Variants in RPS6KC1 observed in about 807,000 individuals in gnomAD.
RPS6KC1 encodes the protein inactive ribosomal protein S6 kinase delta-1.
In RPS6KC1, 54 loss-of-function variants were observed where a neutral mutation model predicts 103.8. The observed-to-expected ratio is 0.52, with a 90% CI of 0.42 to 0.65. The LOEUF is 0.65. RPS6KC1 is among the 30% of genes least tolerant of loss of function. The probability of loss-of-function intolerance (pLI) is 0.00; values close to 1 mark genes in which losing one functional copy is unlikely to be tolerated. For synonymous variants in RPS6KC1, 439 were observed against 438.7 expected, an observed-to-expected ratio of 1.00 and a Z score of -0.01; for missense variants, 1,151 against 1,253.8, an observed-to-expected ratio of 0.92 and a Z score of 1.24.
rs185591434 is a variant in RPS6KC1, at chr1:213,197,736, G to A, written c.1044+21244G>A. On this transcript the variant is annotated intron_variant, in intron 8 of 14. Coordinates refer to ENST00000366960, the MANE Select transcript of RPS6KC1 (RefSeq NM_012424.6). ...AGTCTTTAGGGTTTTCTAGGTATAT[G>A]ATCTGTCTGTTTTGTCTGCTATATA... 3.9e-3 allele frequency among the ~76,000 whole-genome samples: 594 copies of A among 152,184 alleles called. 4 individuals carry two copies. Among genetic ancestry groups the A allele is most frequent in the African/African-American group, 0.011 (477 of 41,534 alleles).
At chr1:213,588,297 T>TC in the RPS6KC1 span, among the ~76,000 whole-genome samples, 1 of 124,496 alleles carries the variant, frequency 8.0e-6, no homozygotes, top group East Asian at 2.1e-4. Flanking sequence ...AACCTCTGTC[T>TC]TTTTTTTTTT....
the RPS6KC1 span, among the ~76,000 whole-genome samples, chr1:213,815,868 C>G: frequency 1.3e-5 from 2 of 152,204 alleles, no homozygotes; most frequent in African/African-American, 2.4e-5. Flanking sequence ...TTTCCACATG[C>G]CTTCCTCACT....
At chr1:213,350,738 A>C in the RPS6KC1 span, among the ~76,000 whole-genome samples, 1 of 152,220 alleles carries the variant, frequency 6.6e-6, no homozygotes, top group Non-Finnish European at 1.5e-5. Context: ...ATGAAGTTAT[A>C]TGTTATCTTA....
Position 213,242,031 on chromosome 1 carries a change from A to G in RPS6KC1, c.2555A>G (p.Asp852Gly). The G allele has an allele frequency of 6.2e-7, 1 of 1,614,084 alleles. No individual in the cohort carries two copies. The highest frequency in any genetic ancestry group is 1.3e-5 in the African/African-American group (1 of 75,062). The change falls in exon 11 of 15, where the codon GAT becomes GGT. Residue 852 changes from aspartate to glycine, a missense_variant. Physicochemically the swap from Asp to Gly is moderately conservative, Grantham distance 94 (BLOSUM62 -1). Transcript: ENST00000366960. ...EVLLFTDQTDDLAKEEPTSLF... is the reference protein window; with the variant it reads ...EVLLFTDQTDGLAKEEPTSLF... ...TTGCTGTTTACAGATCAGACTGATG[A>G]TTTGGCTAAAGAGGAACCAACTTCT...
chr1:213,110,806 C>T (rs752297942), intron 4 of RPS6KC1, among the ~76,000 whole-genome samples: 1 of 152,076 alleles, frequency 6.6e-6, no homozygotes, highest in Non-Finnish European at 1.5e-5. Context: ...ATGAAGACCC[C>T]CTGTGGCTGT....
At chr1:213,323,353 G>A in the RPS6KC1 span, among the ~76,000 whole-genome samples, 1 of 152,160 alleles carries the variant, frequency 6.6e-6, no homozygotes, top group Non-Finnish European at 1.5e-5. Context: ...CTAGCACAGA[G>A]GCAGAAGCAC....
chr1:213,772,568 C>T, the RPS6KC1 span, among the ~76,000 whole-genome samples: 11 of 152,026 alleles, frequency 7.2e-5, no homozygotes, highest in Admixed American at 2.0e-4. Flanking sequence ...GCGAGGTGAC[C>T]GTGGAGGTTT....
chr1:213,589,642 CAA>C, the RPS6KC1 span, among the ~76,000 whole-genome samples: 660 of 129,056 alleles, frequency 5.1e-3, 1 homozygote, highest in Middle Eastern at 0.012. Flanking sequence ...AACTCTGTTT[CAA>C]AAAAAAAAAA....
chr1:213,127,389 A>G lies in RPS6KC1; in HGVS notation c.473-2138A>G, dbSNP rs573347562. On this transcript the variant is annotated intron_variant, in intron 5 of 14. Coordinates refer to ENST00000366960, the MANE Select transcript of RPS6KC1 (RefSeq NM_012424.6). The stretch of plus-strand genomic sequence containing the variant: ...AGTAGAAACTGTTACATTTTGTTAA[A>G]TCTTAACCCTTGTCACTTGTCTTTT... 2.0e-3 allele frequency among the ~76,000 whole-genome samples: 298 copies of G among 152,304 alleles called. 1 individual carries two copies. The highest frequency in any genetic ancestry group is 6.9e-3 in the African/African-American group (286 of 41,578).
chr1:213,658,579 G>A, the RPS6KC1 span, among the ~76,000 whole-genome samples: 1 of 152,312 alleles, frequency 6.6e-6, no homozygotes, highest in Non-Finnish European at 1.5e-5. Flanking sequence ...GATCTTCCTT[G>A]GTCATGGGCA....
chr1:213,367,204 A>G, the RPS6KC1 span, among the ~76,000 whole-genome samples: 8 of 152,172 alleles, frequency 5.3e-5, no homozygotes, highest in African/African-American at 1.4e-4. Flanking sequence ...TCCAGATTCA[A>G]TGCTTCTGTT....
At chr1:213,587,031 C>T in the RPS6KC1 span, among the ~76,000 whole-genome samples, 1 of 152,214 alleles carries the variant, frequency 6.6e-6, no homozygotes, top group Non-Finnish European at 1.5e-5. Context: ...GGAGACTCCT[C>T]TGTATCCCTG....
intron 12 of RPS6KC1, among the ~76,000 whole-genome samples, chr1:213,245,450 T>G (rs1158985897): frequency 6.6e-6 from 1 of 152,160 alleles, no homozygotes; most frequent in Non-Finnish European, 1.5e-5. Flanking sequence ...AGCTGATGTT[T>G]GGTTAGAAAG....
the RPS6KC1 span, among the ~76,000 whole-genome samples, chr1:213,664,948 T>A: frequency 6.6e-6 from 1 of 152,218 alleles, no homozygotes; most frequent in East Asian, 1.9e-4. Flanking sequence ...AAATGAATAC[T>A]TTGGTAAACA....
chr1:213,519,176 TCAA>T, the RPS6KC1 span, among the ~76,000 whole-genome samples: 1 of 152,318 alleles, frequency 6.6e-6, no homozygotes, highest in Non-Finnish European at 1.5e-5. Context: ...TGTTCTGCAG[TCAA>T]CAAGACTCAT....
chr1:213,343,387 GT>G, the RPS6KC1 span, among the ~76,000 whole-genome samples: 2 of 57,712 alleles, frequency 3.5e-5, no homozygotes, highest in African/African-American at 2.1e-4. Context: ...TTTCAGTGTT[GT>G]GTGTATATAT....
At chr1:213,262,948 A>T (rs1254655693) in intron 14 of RPS6KC1, 132 bp downstream of exon 14, 1 of 656,484 alleles carries the variant, frequency 1.5e-6, no homozygotes, top group East Asian at 2.7e-5. Context: ...ACACGTTCAG[A>T]ATTAATACTG....
At chr1:213,599,441 A>AG in the RPS6KC1 span, among the ~76,000 whole-genome samples, 1 of 151,532 alleles carries the variant, frequency 6.6e-6, no homozygotes, top group East Asian at 1.9e-4. Flanking sequence ...GAGAAAAAAA[A>AG]AAAAAGAGTG....
At chr1:213,335,303 G>T in the RPS6KC1 span, among the ~76,000 whole-genome samples, 1 of 152,228 alleles carries the variant, frequency 6.6e-6, no homozygotes. Context: ...GTTAGGATTA[G>T]CTGGGGCTGC....
Sources: allele counts gnomAD v4.1 joint callset (sites outside exome capture counted in the v4.1 genomes callset), GRCh38; gene constraint gnomAD v4.1.1; transcripts MANE v1.5; gene names NCBI Gene and HGNC (gene_info 2026-07-23, HGNC 2026-07-21).